CSMD1: variants seen among roughly 807,000 people sequenced by gnomAD.
CSMD1 encodes the protein CUB and Sushi multiple domains 1, also known as CUB and sushi domain-containing protein 1.
Under a neutral mutation model 417.5 loss-of-function variants are expected in CSMD1, and 213 were observed. The ratio of observed to expected loss-of-function variants is 0.51; its 90% CI spans 0.46 to 0.57. The LOEUF (loss-of-function observed/expected upper bound fraction) is 0.57, where lower values mean the gene tolerates loss of function less well. Among genes scored for constraint, CSMD1 ranks in the 20% least tolerant of loss-of-function variants. The pLI is 0.00. For synonymous variants in CSMD1, 2,862 were observed against 1,736.8 expected (o/e 1.65, Z -16.11); for missense variants, 6,923 against 4,529.7 (o/e 1.53, Z -15.17).
intron 12 of CSMD1, among the ~76,000 whole-genome samples, chr8:3,451,197 T>C (rs1815690005): frequency 1.3e-5 from 2 of 152,238 alleles, no homozygotes; most frequent in Admixed American, 1.3e-4. Context: ...TTGAGTTCAT[T>C]GTAGATTCTG....
chr8:3,171,620 T>G (rs1820589964), intron 37 of CSMD1, among the ~76,000 whole-genome samples: 1 of 152,172 alleles, frequency 6.6e-6, no homozygotes, highest in Non-Finnish European at 1.5e-5. Context: ...TTCTTTCAAG[T>G]TTTAACATCC....
intron 1 of CSMD1, among the ~76,000 whole-genome samples, chr8:4,805,482 C>T (rs534646947): frequency 1.3e-5 from 2 of 152,172 alleles, no homozygotes; most frequent in South Asian, 2.1e-4. Flanking sequence ...GAGAAGTCAG[C>T]GAGTGAAACG....
chr8:3,131,660 C>T (rs1037247295), intron 41 of CSMD1, among the ~76,000 whole-genome samples: 16 of 151,854 alleles, frequency 1.1e-4, no homozygotes, highest in Admixed American at 3.3e-4. Flanking sequence ...TAAGTAGAGA[C>T]GGGGTTTTGC....
intron 6 of CSMD1, among the ~76,000 whole-genome samples, chr8:3,747,260 C>G (rs776275586): frequency 6.6e-6 from 1 of 152,170 alleles, no homozygotes; most frequent in Non-Finnish European, 1.5e-5. Context: ...GTTCTGCCAT[C>G]CAATAACCCC....
intron 5 of CSMD1, among the ~76,000 whole-genome samples, chr8:3,965,946 C>G (rs1263292818): frequency 6.6e-6 from 1 of 152,116 alleles, no homozygotes; most frequent in African/African-American, 2.4e-5. Flanking sequence ...GAAATAAGAA[C>G]TGTCAAGGTC....
At chr8:3,500,596 G>A (rs1370123057) in intron 10 of CSMD1, among the ~76,000 whole-genome samples, 1 of 152,160 alleles carries the variant, frequency 6.6e-6, no homozygotes, top group Non-Finnish European at 1.5e-5. Flanking sequence ...AGAATCTGTG[G>A]TAGGGAGGAC....
intron 3 of CSMD1, among the ~76,000 whole-genome samples, chr8:4,224,863 A>G (rs1801251371): frequency 6.6e-6 from 1 of 152,076 alleles, no homozygotes; most frequent in African/African-American, 2.4e-5. Context: ...TCATCCCAGC[A>G]CTTTGGGATA....
At chr8:3,191,067 T>A (rs1231714791) in intron 33 of CSMD1, among the ~76,000 whole-genome samples, 1 of 152,126 alleles carries the variant, frequency 6.6e-6, no homozygotes, top group Non-Finnish European at 1.5e-5. Flanking sequence ...TGTTTATAGT[T>A]AAGAGGGTAG....
intron 5 of CSMD1, among the ~76,000 whole-genome samples, chr8:3,797,227 A>G (rs745482178): frequency 6.6e-6 from 1 of 151,912 alleles, no homozygotes; most frequent in Non-Finnish European, 1.5e-5. Flanking sequence ...AACTTCAACC[A>G]TCTCTATTTT....
intron 1 of CSMD1, among the ~76,000 whole-genome samples, chr8:4,805,462 A>C (rs1798533405): frequency 6.6e-6 from 1 of 152,110 alleles, no homozygotes; most frequent in Non-Finnish European, 1.5e-5. Context: ...TGGGTTGAGA[A>C]GCCTGCGTCG....
chr8:3,956,093 G>C (rs1027199894), intron 5 of CSMD1, among the ~76,000 whole-genome samples: 2 of 152,142 alleles, frequency 1.3e-5, no homozygotes, highest in African/African-American at 4.8e-5. Context: ...ACCGTGCTCG[G>C]CCAGGTTTCC....
intron 5 of CSMD1, among the ~76,000 whole-genome samples, 179 bp downstream of exon 5, chr8:3,997,724 A>T (rs557090646): frequency 1.3e-5 from 2 of 152,190 alleles, no homozygotes; most frequent in Non-Finnish European, 2.9e-5. Context: ...GACATCTTAG[A>T]AACTTTGAAA....
chr8:4,277,116 G>T (rs1796531117), intron 3 of CSMD1, among the ~76,000 whole-genome samples: 1 of 151,956 alleles, frequency 6.6e-6, no homozygotes, highest in Non-Finnish European at 1.5e-5. Context: ...ATTAAAAATA[G>T]TTCCTTCATA....
chr8:3,919,279 G>A (rs930388399), intron 5 of CSMD1, among the ~76,000 whole-genome samples: 3 of 151,348 alleles, frequency 2.0e-5, no homozygotes, highest in African/African-American at 4.9e-5. Context: ...AGTTTTGCGG[G>A]TTTGGGTATC....
At chr8:4,966,209 C>CAAAAAAAAAAAAA (rs33941630) in intron 1 of CSMD1, among the ~76,000 whole-genome samples, 11 of 89,128 alleles carry the variant, frequency 1.2e-4, no homozygotes, top group African/African-American at 4.1e-4. Flanking sequence ...ACTAAATATA[C>CAAAAAAAAAAAAA]AAAAAAAAAA....
chr8:4,444,053 T>C (rs528538143), intron 2 of CSMD1, among the ~76,000 whole-genome samples: 9 of 152,074 alleles, frequency 5.9e-5, no homozygotes, highest in African/African-American at 1.7e-4. Flanking sequence ...AAGAGTAAGA[T>C]AGAGGTGGCC....
At chr8:3,647,910 T>G (rs1427643273) in intron 7 of CSMD1, among the ~76,000 whole-genome samples, 1 of 152,252 alleles carries the variant, frequency 6.6e-6, no homozygotes, top group Non-Finnish European at 1.5e-5. Flanking sequence ...CAAAACAAAT[T>G]ACTCTGTTTG....
At chr8:4,846,962 AT>A (rs201163018) in intron 1 of CSMD1, among the ~76,000 whole-genome samples, 25 of 151,638 alleles carry the variant, frequency 1.6e-4, no homozygotes, top group Admixed American at 9.2e-4. Flanking sequence ...TTATGTAGTG[AT>A]TTTTTTTTCA....
At chr8:3,443,819 A>G (rs1193546215) in intron 12 of CSMD1, among the ~76,000 whole-genome samples, 1 of 152,232 alleles carries the variant, frequency 6.6e-6, no homozygotes, top group East Asian at 1.9e-4. Context: ...AAACCATTTT[A>G]GATTGTTTTC....
Sources: gnomAD v4.1 joint callset for allele counts (sites outside exome capture counted in the v4.1 genomes callset) on GRCh38, gnomAD v4.1.1 for gene constraint, MANE v1.5 for transcripts, NCBI Gene and HGNC (gene_info 2026-07-23, HGNC 2026-07-21) for gene names.